Variants in STPG2 observed in about 807,000 individuals in gnomAD.
The protein encoded by STPG2 is sperm tail PG-rich repeat containing 2.
STPG2 carries 56 observed loss-of-function variants against 54.2 expected under a neutral mutation model. That is an observed-to-expected ratio of 1.03 (90% CI 0.83 to 1.29). The LOEUF is 1.29. STPG2 is among the 50% of genes most tolerant of loss of function. STPG2 has a pLI of 0.00. For missense variants in STPG2, 596 were observed against 544.9 expected (o/e 1.09, Z -0.93); for synonymous variants, 200 against 181.8 (o/e 1.10, Z -0.81).
At chr4:97,921,209 C>T (rs1166863836) in intron 8 of STPG2, among the ~76,000 whole-genome samples, 1 of 152,104 alleles carries the variant, frequency 6.6e-6, no homozygotes, top group Non-Finnish European at 1.5e-5. Context: ...CCATGCACCC[C>T]TGACCAAGCA....
chr4:97,839,292 G>T (rs922098220), intron 9 of STPG2, among the ~76,000 whole-genome samples: 1 of 151,538 alleles, frequency 6.6e-6, no homozygotes, highest in Non-Finnish European at 1.5e-5. Context: ...AGAAACTAAT[G>T]AAACAATTAG....
At chr4:97,609,620 T>C (rs1033958964) in intron 10 of STPG2, among the ~76,000 whole-genome samples, 3 of 151,950 alleles carry the variant, frequency 2.0e-5, no homozygotes, top group Non-Finnish European at 4.4e-5. Context: ...ATGATCTCTC[T>C]TGTCCATGGA....
chr4:97,878,947 C>T (rs1730274320), intron 8 of STPG2, among the ~76,000 whole-genome samples: 1 of 152,046 alleles, frequency 6.6e-6, no homozygotes, highest in African/African-American at 2.4e-5. Context: ...GAATGCTTTG[C>T]TGCTTAGAAA....
intron 7 of STPG2, among the ~76,000 whole-genome samples, chr4:97,956,431 G>C (rs966724260): frequency 2.0e-5 from 3 of 152,142 alleles, no homozygotes; most frequent in African/African-American, 7.2e-5. Context: ...GGCAGAACTA[G>C]ATGGCATCCC....
rs769484313 is a variant in STPG2 at position 97,712,660 on chromosome 4, T to C, written c.1320+39A>G. The stretch of plus-strand genomic sequence containing the variant: ...TGTAGTACTTTCTGGAAATTAATTC[T>C]ATTCTTGTGTCACTGTTAAGAAGGA... On this transcript the variant is annotated intron_variant, in intron 10 of 10. Transcript: ENST00000295268. 6 of 1,372,988 alleles carry C rather than the reference T, an allele frequency of 4.4e-6. 1 individual carries two copies. In the South Asian group the frequency reaches 7.8e-5, roughly 18 times the overall value. The allele number at this position is 1,372,988 out of a possible 1,614,324, so 85.1% of individuals were successfully genotyped here. A position where few individuals can be genotyped will look rare whatever the true frequency, so the allele number is the denominator to read the frequency against.
At chr4:97,640,648 A>G (rs1344614002) in intron 10 of STPG2, among the ~76,000 whole-genome samples, 1 of 151,766 alleles carries the variant, frequency 6.6e-6, no homozygotes, top group Non-Finnish European at 1.5e-5. Context: ...AAAATAAAAG[A>G]GCCAAACAAA....
At chr4:97,991,714 C>A (rs553122851) in intron 5 of STPG2, among the ~76,000 whole-genome samples, 44 of 152,080 alleles carry the variant, frequency 2.9e-4, no homozygotes, top group Non-Finnish European at 5.3e-4. Context: ...AGTTTATATT[C>A]CCACCAAACA....
intron 9 of STPG2, among the ~76,000 whole-genome samples, chr4:97,720,258 T>TA (rs1724408097): frequency 1.3e-5 from 2 of 151,856 alleles, no homozygotes; most frequent in South Asian, 2.1e-4. Flanking sequence ...TAATAGAAAT[T>TA]AAAAAAACCA....
chr4:98,014,428 T>C (rs944755793), intron 5 of STPG2, among the ~76,000 whole-genome samples: 1 of 152,114 alleles, frequency 6.6e-6, no homozygotes, highest in Non-Finnish European at 1.5e-5. Flanking sequence ...AGCTGCCTAG[T>C]CAGTCCTGAT....
intron 7 of STPG2, among the ~76,000 whole-genome samples, chr4:97,955,098 T>C (rs910867111): frequency 6.6e-6 from 1 of 151,962 alleles, no homozygotes; most frequent in African/African-American, 2.4e-5. Context: ...AAGAACTCAA[T>C]AGATTGATTT....
chr4:97,585,530 T>C (rs906556459), intron 10 of STPG2, among the ~76,000 whole-genome samples: 1 of 151,910 alleles, frequency 6.6e-6, no homozygotes, highest in Non-Finnish European at 1.5e-5. Context: ...GTGGCCAAAG[T>C]GTATTGGTAG....
At chr4:97,624,086 G>A (rs986461748) in intron 10 of STPG2, among the ~76,000 whole-genome samples, 1 of 152,066 alleles carries the variant, frequency 6.6e-6, no homozygotes, top group African/African-American at 2.4e-5. Flanking sequence ...GTGAATAGTG[G>A]TGCAGTGAAC....
chr4:97,749,533 C>T (rs1578532279), intron 9 of STPG2, among the ~76,000 whole-genome samples: 1 of 151,630 alleles, frequency 6.6e-6, no homozygotes, highest in East Asian at 1.9e-4. Flanking sequence ...AGTGAATATA[C>T]TTTATTATTT....
chr4:97,931,684 G>A (rs757751558), intron 8 of STPG2, among the ~76,000 whole-genome samples: 1 of 151,644 alleles, frequency 6.6e-6, no homozygotes, highest in Non-Finnish European at 1.5e-5. Context: ...GTTGTTGTTT[G>A]TTGTTTTTTT....
intron 7 of STPG2, among the ~76,000 whole-genome samples, chr4:97,956,204 G>A (rs1211432839): frequency 6.6e-6 from 1 of 152,066 alleles, no homozygotes; most frequent in Admixed American, 6.5e-5. Context: ...TGAGAAAGTG[G>A]TAAAGGTCAT....
chr4:97,626,620 T>C (rs1734144602), intron 10 of STPG2, among the ~76,000 whole-genome samples: 1 of 152,112 alleles, frequency 6.6e-6, no homozygotes, highest in Non-Finnish European at 1.5e-5. Flanking sequence ...CTCAATATTT[T>C]CAAATATATG....
At chr4:97,597,203 G>T (rs1012967118) in intron 10 of STPG2, among the ~76,000 whole-genome samples, 1 of 151,804 alleles carries the variant, frequency 6.6e-6, no homozygotes, top group East Asian at 1.9e-4. Flanking sequence ...CTGAGAATGC[G>T]CTAGGAAGAA....
intron 3 of STPG2, among the ~76,000 whole-genome samples, chr4:98,113,024 A>G (rs1321012805): frequency 1.3e-5 from 2 of 151,970 alleles, no homozygotes; most frequent in African/African-American, 4.8e-5. Flanking sequence ...AAAAAAAAAA[A>G]AAACTAAAAC....
chr4:97,554,861 T>C (rs749115044), downstream of STPG2, among the ~76,000 whole-genome samples: 23 of 152,164 alleles, frequency 1.5e-4, no homozygotes, highest in Non-Finnish European at 2.1e-4. Context: ...GCTCAGAATA[T>C]GCCACCCTAA....
Sources: gnomAD v4.1 joint callset for allele counts (sites outside exome capture counted in the v4.1 genomes callset) on GRCh38, gnomAD v4.1.1 for gene constraint, MANE v1.5 for transcripts, NCBI Gene and HGNC (gene_info 2026-07-23, HGNC 2026-07-21) for gene names.